The following CALN1 variants were observed in gnomAD, a reference collection of about 807,000 sequenced individuals.
CALN1 encodes calcium-binding protein 8.
A neutral mutation model predicts 30.6 loss-of-function variants in CALN1; 17 were observed. That is an observed-to-expected ratio of 0.56 (90% CI 0.38 to 0.83). The LOEUF (loss-of-function observed/expected upper bound fraction) is 0.83, where lower values mean the gene tolerates loss of function less well. Among genes scored for constraint, CALN1 ranks in the 40% least tolerant of loss-of-function variants. The pLI, the probability that CALN1 is intolerant of heterozygous loss-of-function variation, is 0.00. For missense variants in CALN1, 291 were observed against 354.9 expected, an observed-to-expected ratio of 0.82 and a Z score of 1.45; for synonymous variants, 156 against 131.4, an observed-to-expected ratio of 1.19 and a Z score of -1.28.
chr7:72,392,647 C>T (rs1160670504), intron 2 of CALN1, among the ~76,000 whole-genome samples: 1 of 152,112 alleles, frequency 6.6e-6, no homozygotes, highest in East Asian at 1.9e-4. Context: ...CTCTCCCTTA[C>T]CCCACTTTCT....
At chr7:72,372,316 A>G (rs9638655) in intron 2 of CALN1, among the ~76,000 whole-genome samples, 86,622 of 151,784 alleles carry the variant, frequency 0.57, 24,945 homozygotes, top group East Asian at 0.73. Context: ...AATGGATGGG[A>G]AAAACTTCTG....
At chr7:72,243,431 C>T (rs933722771) in intron 3 of CALN1, among the ~76,000 whole-genome samples, 13 of 152,200 alleles carry the variant, frequency 8.5e-5, no homozygotes, top group African/African-American at 3.1e-4. Context: ...TTTTCCTACT[C>T]CCAACTGTCT....
chr7:72,180,012 C>A (rs1191054441), intron 3 of CALN1, among the ~76,000 whole-genome samples: 1 of 152,188 alleles, frequency 6.6e-6, no homozygotes, highest in Admixed American at 6.5e-5. Context: ...CATCAGGATA[C>A]AAACAAGGCA....
At chr7:72,324,490 T>C (rs1280107128) in intron 2 of CALN1, among the ~76,000 whole-genome samples, 2 of 152,046 alleles carry the variant, frequency 1.3e-5, no homozygotes, top group Admixed American at 6.6e-5. Context: ...CCAAAATCTT[T>C]CCCTAGGAGT....
Position 72,040,509 on chromosome 7 carries a change from T to C in CALN1, c.389-16740A>G, listed in dbSNP as rs567845573. On this transcript the variant is annotated intron_variant, in intron 4 of 6. Transcript: ENST00000395275. Reference sequence around the variant, plus strand: ...CAAAAAATAAATTAATTAAATACAGTTGAATTAAATTTAAAAAGTGTTATG... The same window carrying C: ...CAAAAAATAAATTAATTAAATACAGCTGAATTAAATTTAAAAAGTGTTATG... Among the ~76,000 whole-genome samples, 6 of 152,164 alleles carry C rather than the reference T, an allele frequency of 3.9e-5. No individual in the cohort carries two copies. The South Asian group carries it at 1.2e-3, about 32-fold the overall frequency.
intron 5 of CALN1, among the ~76,000 whole-genome samples, chr7:71,834,664 A>G (rs966101458): frequency 1.3e-5 from 2 of 152,192 alleles, no homozygotes; most frequent in South Asian, 4.1e-4. Flanking sequence ...GGGAAGCCCT[A>G]TGCAATTTGG....
chr7:72,145,473 T>C lies in CALN1; in HGVS notation c.245-39179A>G, dbSNP rs1246323733. ...ATAACAGGCTCTGAAGTTGAGGCAA[T>C]AATTAATAGCCTACCAACCAAAAAA... On this transcript the variant is annotated intron_variant, in intron 3 of 6. Transcript: ENST00000395275. 2.6e-5 allele frequency among the ~76,000 whole-genome samples: 4 copies of C among 152,152 alleles called. No individual in the cohort carries two copies. In the East Asian group the frequency reaches 7.7e-4, roughly 29 times the overall value.
chr7:71,954,504 TA>T (rs1303106396), intron 5 of CALN1, among the ~76,000 whole-genome samples: 2 of 151,428 alleles, frequency 1.3e-5, no homozygotes, highest in South Asian at 2.1e-4. Context: ...TAATAAAAAT[TA>T]GCTGGGCATA....
intron 4 of CALN1, among the ~76,000 whole-genome samples, chr7:72,065,070 A>G (rs1803921267): frequency 6.7e-6 from 1 of 148,166 alleles, no homozygotes; most frequent in Non-Finnish European, 1.5e-5. Context: ...TATATGTAAA[A>G]TATATTTATA....
intron 4 of CALN1, among the ~76,000 whole-genome samples, chr7:72,038,998 A>T (rs557304315): frequency 6.6e-6 from 1 of 152,224 alleles, no homozygotes; most frequent in East Asian, 1.9e-4. Context: ...TCACCCCACA[A>T]TCTTTCTTAA....
chr7:71,928,913 A>AC (rs1795408550), intron 5 of CALN1, among the ~76,000 whole-genome samples: 1 of 149,604 alleles, frequency 6.7e-6, no homozygotes, highest in African/African-American at 2.5e-5. Flanking sequence ...ATTTTCACCT[A>AC]CCCCCCACCC....
At chr7:72,446,671 T>C (rs1192748948) in intron 1 of CALN1, among the ~76,000 whole-genome samples, 1 of 152,002 alleles carries the variant, frequency 6.6e-6, no homozygotes, top group East Asian at 1.9e-4. Context: ...GCAAGTCGAG[T>C]CAGGGTTATG....
intron 3 of CALN1, among the ~76,000 whole-genome samples, chr7:72,237,559 G>GA (rs1048644250): frequency 4.6e-5 from 7 of 152,168 alleles, no homozygotes; most frequent in Non-Finnish European, 1.0e-4. Flanking sequence ...GACAGAAGCA[G>GA]AAAAATGCAT....
At chr7:71,998,541 G>A (rs1392554911) in intron 5 of CALN1, among the ~76,000 whole-genome samples, 1 of 151,660 alleles carries the variant, frequency 6.6e-6, no homozygotes, top group African/African-American at 2.4e-5. Flanking sequence ...ATGTCACAGA[G>A]CAACCACTAC....
At chr7:72,199,144 G>A (rs1416390136) in intron 3 of CALN1, among the ~76,000 whole-genome samples, 1 of 152,112 alleles carries the variant, frequency 6.6e-6, no homozygotes, top group African/African-American at 2.4e-5. Flanking sequence ...GCGTGGTGGT[G>A]GGCGCCTGTA....
intron 5 of CALN1, among the ~76,000 whole-genome samples, chr7:71,972,034 A>AAGAAAAGAAAGAAAGAC (rs1554400331): frequency 1.8e-3 from 264 of 143,396 alleles, no homozygotes; most frequent in Non-Finnish European, 2.5e-3. Context: ...GAAAGAAAGA[A>AAGAAAAGAAAGAAAGAC]AGACACACTC....
intron 5 of CALN1, among the ~76,000 whole-genome samples, chr7:71,953,168 G>T (rs150912309): frequency 6.6e-6 from 1 of 151,954 alleles, no homozygotes; most frequent in Non-Finnish European, 1.5e-5. Context: ...ATGTTGCCCA[G>T]GGTGGTCTTG....
the CALN1 span, among the ~76,000 whole-genome samples, chr7:72,470,492 C>T: frequency 6.6e-6 from 1 of 152,114 alleles, no homozygotes; most frequent in Non-Finnish European, 1.5e-5. Flanking sequence ...CTGACTACTC[C>T]AAGAGCAGAA....
At chr7:72,378,726 T>C (rs1221596051) in intron 2 of CALN1, among the ~76,000 whole-genome samples, 1 of 151,472 alleles carries the variant, frequency 6.6e-6, no homozygotes, top group East Asian at 1.9e-4. Context: ...AATACAAATA[T>C]AACATCTTTT....
Sources: allele counts gnomAD v4.1 joint callset (sites outside exome capture counted in the v4.1 genomes callset), GRCh38; gene constraint gnomAD v4.1.1; transcripts MANE v1.5; gene names NCBI Gene and HGNC (gene_info 2026-07-23, HGNC 2026-07-21).